Variants in APOBEC1 observed in about 807,000 individuals in gnomAD.
APOBEC1 encodes apolipoprotein B mRNA editing enzyme catalytic subunit 1, also known as C->U-editing enzyme APOBEC-1.
Under a neutral mutation model 26.3 loss-of-function variants are expected in APOBEC1, and 22 were observed. The observed-to-expected ratio is 0.84, with a 90% CI of 0.60 to 1.19. The LOEUF (loss-of-function observed/expected upper bound fraction) is 1.19, where lower values mean the gene tolerates loss of function less well. Among genes scored for constraint, APOBEC1 ranks in the 50% most tolerant of loss-of-function variants. The pLI is 0.00. For missense variants in APOBEC1, 253 were observed against 289.0 expected (o/e 0.88, Z 0.90); for synonymous variants, 77 against 95.3 (o/e 0.81, Z 1.12).
In APOBEC1 at chr12:7,649,464, T is replaced by C; in HGVS notation, c.*83A>G. The C allele has an allele frequency of 2.7e-6, 4 of 1,472,056 alleles. No individual in the cohort carries two copies. The highest frequency in any genetic ancestry group is 1.3e-5 in the South Asian group (1 of 79,772). 91.2% of individuals were successfully genotyped at this position (1,472,056 alleles called of 1,614,324 possible). A position where few individuals can be genotyped will look rare whatever the true frequency, so the allele number is the denominator to read the frequency against. ...AGAGTTTTGGGGTACCTTGTGAACA[T>C]TTCTAGATTCTAAATGGCATTCACT... On this transcript the variant is annotated 3_prime_UTR_variant, in exon 5 of 5. Transcript: ENST00000229304.
At position 7,654,597 on chromosome 12, in the gene APOBEC1, A is replaced by C; in HGVS notation, c.44+8T>G. On this transcript the variant is annotated splice_region_variant and intron_variant, in intron 2 of 4. Transcript: ENST00000229304. Reference sequence around the variant, plus strand: ...ATTAAATGGGCACTGTGATAGTGTTATTCTTACCTCAGAGTGGGGTCACCG... The same window carrying C: ...ATTAAATGGGCACTGTGATAGTGTTCTTCTTACCTCAGAGTGGGGTCACCG... 6.2e-7 allele frequency: 1 copy of C among 1,613,772 alleles called. No individual in the cohort carries two copies. The highest frequency in any genetic ancestry group is 8.5e-7 in the Non-Finnish European group (1 of 1,179,670).
upstream of APOBEC1, among the ~76,000 whole-genome samples, chr12:7,668,738 T>G (rs190940380): frequency 1.2e-3 from 177 of 151,384 alleles, 1 homozygote; most frequent in African/African-American, 4.2e-3. Flanking sequence ...TGTTTTTTTG[T>G]TTTTTTTTAA....
At position 7,665,613 on chromosome 12, in the gene APOBEC1, A is replaced by G. The variant is rs141161984; in HGVS notation, c.16+244T>C. ...GCGCCTGGCTACTTAATTTTTTATC[A>G]TGGTGAAACAAACACTGATTTGGTT... is the stretch of plus-strand genomic sequence containing the variant. On this transcript the variant is annotated intron_variant, in intron 1 of 4. Coordinates refer to ENST00000229304, the MANE Select transcript of APOBEC1 (RefSeq NM_001644.5). 2.2e-3 allele frequency among the ~76,000 whole-genome samples: 340 copies of G among 152,142 alleles called. 1 individual carries two copies. Among genetic ancestry groups the G allele is most frequent in the African/African-American group, 7.8e-3 (323 of 41,518 alleles).
Position 7,652,850 on chromosome 12 carries a change from G to A in APOBEC1, c.45-15C>T. 2 of 1,560,534 alleles carry A rather than the reference G, an allele frequency of 1.3e-6. No individual in the cohort carries two copies. The highest frequency in any genetic ancestry group is 1.7e-6 in the Non-Finnish European group (2 of 1,157,238). On this transcript the variant is annotated splice_polypyrimidine_tract_variant and intron_variant, in intron 2 of 4. Transcript: ENST00000229304. The stretch of plus-strand genomic sequence containing the variant: ...CGATTCTTCTCCTGAAATACAAAAA[G>A]CAGCCCACACTGTCATGCCACATTT...
chr12:7,653,254 G>T (rs1042335600), intron 2 of APOBEC1, among the ~76,000 whole-genome samples: 2 of 152,126 alleles, frequency 1.3e-5, no homozygotes, highest in Admixed American at 1.3e-4. Flanking sequence ...CTATCAGGCT[G>T]ATCTGAGACA....
At chr12:7,652,389 C>A in intron 3 of APOBEC1, 49 bp downstream of exon 3, 1 of 1,522,426 alleles carries the variant, frequency 6.6e-7, no homozygotes, top group Non-Finnish European at 8.9e-7. Flanking sequence ...CAGCTACTAT[C>A]ACCACAGTCT....
chr12:7,651,305 G>A (rs1863634561), intron 3 of APOBEC1, among the ~76,000 whole-genome samples, 164 bp from the exon 4 acceptor site: 1 of 151,516 alleles, frequency 6.6e-6, no homozygotes, highest in African/African-American at 2.4e-5. Flanking sequence ...AAAGATGGCT[G>A]AGAGGCAAGA....
At chr12:7,654,947 G>T (rs1057309551) in intron 1 of APOBEC1, among the ~76,000 whole-genome samples, 2 of 152,184 alleles carry the variant, frequency 1.3e-5, no homozygotes, top group African/African-American at 4.8e-5. Flanking sequence ...GGTGGCTCAC[G>T]CCTGTAATTC....
chr12:7,657,349 G>A (rs1184105116), intron 1 of APOBEC1, among the ~76,000 whole-genome samples: 2 of 152,130 alleles, frequency 1.3e-5, no homozygotes, highest in African/African-American at 4.8e-5. Flanking sequence ...GTGACTCTGA[G>A]GCTTTTTGCA....
intron 4 of APOBEC1, 81 bp from the exon 5 acceptor site, chr12:7,649,777 G>C (rs1005401077): frequency 2.7e-6 from 3 of 1,119,024 alleles, no homozygotes; most frequent in Non-Finnish European, 3.8e-6. Context: ...ATTTAAAAAT[G>C]TCAGTTGGAA....
At chr12:7,660,410 A>AAGAAAGAAAGAAAGAAAGAAAGAGAGAG (rs111744018) in intron 1 of APOBEC1, among the ~76,000 whole-genome samples, 10 of 84,272 alleles carry the variant, frequency 1.2e-4, no homozygotes, top group African/African-American at 3.7e-4. Context: ...GAAAGAAAGA[A>AAGAAAGAAAGAAAGAAAGAAAGAGAGAG]AGAGAGGGTA....
At chr12:7,658,744 G>A (rs932499141) in intron 1 of APOBEC1, among the ~76,000 whole-genome samples, 6 of 151,956 alleles carry the variant, frequency 3.9e-5, no homozygotes, top group Non-Finnish European at 8.8e-5. Context: ...CCTTAGGTCA[G>A]GAGTTTGAGA....
chr12:7,663,025 G>T (rs1863842271), intron 1 of APOBEC1, among the ~76,000 whole-genome samples: 1 of 152,094 alleles, frequency 6.6e-6, no homozygotes, highest in African/African-American at 2.4e-5. Context: ...CAGAGGCTTG[G>T]GGATGTTCCT....
At chr12:7,654,263 T>TA (rs869241293) in intron 2 of APOBEC1, among the ~76,000 whole-genome samples, 1 of 144,442 alleles carries the variant, frequency 6.9e-6, no homozygotes, top group Non-Finnish European at 1.5e-5. Flanking sequence ...AGCAAAGATA[T>TA]AAAAAACAAT....
intron 1 of APOBEC1, among the ~76,000 whole-genome samples, chr12:7,656,799 G>A (rs971194611): frequency 2.6e-5 from 4 of 152,282 alleles, no homozygotes; most frequent in African/African-American, 7.2e-5. Flanking sequence ...CTTCATAAAC[G>A]TTAAGCACTG....
At chr12:7,660,034 G>A (rs1456704382) in intron 1 of APOBEC1, among the ~76,000 whole-genome samples, 3 of 151,642 alleles carry the variant, frequency 2.0e-5, no homozygotes, top group East Asian at 3.9e-4. Context: ...GGCCGGGTGC[G>A]GTGGCTCACG....
chr12:7,660,343 G>A (rs1863790830), intron 1 of APOBEC1, among the ~76,000 whole-genome samples: 3 of 18,614 alleles, frequency 1.6e-4, no homozygotes, highest in South Asian at 2.3e-3. Context: ...AGGGAAGGAA[G>A]GAAGGAAGGA....
At chr12:7,658,188 C>T (rs1321064389) in intron 1 of APOBEC1, among the ~76,000 whole-genome samples, 2 of 152,116 alleles carry the variant, frequency 1.3e-5, no homozygotes, top group Non-Finnish European at 2.9e-5. Flanking sequence ...CTGAGCCTCC[C>T]AAGTAGCTGG....
At chr12:7,661,780 G>C (rs1399879728) in intron 1 of APOBEC1, among the ~76,000 whole-genome samples, 1 of 152,076 alleles carries the variant, frequency 6.6e-6, no homozygotes, top group Non-Finnish European at 1.5e-5. Flanking sequence ...ACCTGGAAGG[G>C]GAAAGAGAAA....
Sources: allele counts gnomAD v4.1 joint callset (sites outside exome capture counted in the v4.1 genomes callset), GRCh38; gene constraint gnomAD v4.1.1; transcripts MANE v1.5; gene names NCBI Gene and HGNC (gene_info 2026-07-23, HGNC 2026-07-21).